Variants in ACER3 observed in about 807,000 individuals in gnomAD.
ACER3 encodes alkCDase 3.
In ACER3, 16 loss-of-function variants were observed where a neutral mutation model predicts 48.9. The ratio of observed to expected loss-of-function variants is 0.33; its 90% CI spans 0.22 to 0.50. ACER3 has a LOEUF of 0.50. Ranked by LOEUF, ACER3 falls within the 20% of genes least tolerant of loss-of-function variation. The pLI, the probability that ACER3 is intolerant of heterozygous loss-of-function variation, is 0.98. For missense variants in ACER3, 227 were observed against 326.0 expected (o/e 0.70, Z 2.34); for synonymous variants, 109 against 107.8 (o/e 1.01, Z -0.07).
At chr11:76,872,302 C>T (rs989090721) in intron 1 of ACER3, among the ~76,000 whole-genome samples, 5 of 152,096 alleles carry the variant, frequency 3.3e-5, no homozygotes, top group Admixed American at 2.0e-4. Flanking sequence ...TCTCGAACTC[C>T]GGACCTCAGG....
At chr11:76,974,330 A>G (rs1049463144) in intron 3 of ACER3, among the ~76,000 whole-genome samples, 6 of 152,354 alleles carry the variant, frequency 3.9e-5, no homozygotes, top group South Asian at 4.1e-4. Context: ...GCTTGATGCC[A>G]TATGGGTCAT....
At chr11:77,011,375 G>A in intron 7 of ACER3, 1 of 985,458 alleles carries the variant, frequency 1.0e-6, no homozygotes, top group Non-Finnish European at 1.2e-6. Flanking sequence ...GATTGGCCAT[G>A]GTAAGTAAGT....
At position 77,026,604 on chromosome 11, in the gene ACER3, A is replaced by T. The variant is rs143021946; in HGVS notation, c.*6277A>T. 22 of 152,334 alleles carry T rather than the reference A, an allele frequency of 1.4e-4. No individual in the cohort carries two copies. In the East Asian group the frequency reaches 4.2e-3, roughly 29 times the overall value. 9.4% of individuals were successfully genotyped at this position (152,334 alleles called of 1,614,324 possible). A position where few individuals can be genotyped will look rare whatever the true frequency, so the allele number is the denominator to read the frequency against. Reference sequence around the variant, plus strand: ...ATACATTGTACTGAATCTTACTAGCAACTAACTATTTTCAGGTAATCTCAG... The same window carrying T: ...ATACATTGTACTGAATCTTACTAGCTACTAACTATTTTCAGGTAATCTCAG... On this transcript the variant is annotated 3_prime_UTR_variant, in exon 11 of 11. Coordinates refer to ENST00000532485, the MANE Select transcript of ACER3 (RefSeq NM_018367.7).
At chr11:76,864,455 AAAGT>A (rs749507147) in intron 1 of ACER3, among the ~76,000 whole-genome samples, 8 of 152,212 alleles carry the variant, frequency 5.3e-5, no homozygotes, top group Non-Finnish European at 7.3e-5. Flanking sequence ...GGAAATGAAA[AAAGT>A]AAGCATATTT....
chr11:76,921,280 A>G (rs893775212), intron 1 of ACER3, among the ~76,000 whole-genome samples: 2 of 152,162 alleles, frequency 1.3e-5, no homozygotes, highest in African/African-American at 4.8e-5. Context: ...ATTTAGATCT[A>G]TAGTACCTCT....
chr11:76,914,867 T>C (rs1226698789), intron 1 of ACER3, among the ~76,000 whole-genome samples: 1 of 152,016 alleles, frequency 6.6e-6, no homozygotes, highest in East Asian at 1.9e-4. Flanking sequence ...TATGCAGCCA[T>C]AAAAAAAGGA....
At chr11:76,962,834 C>T (rs1349838801) in intron 3 of ACER3, among the ~76,000 whole-genome samples, 1 of 151,294 alleles carries the variant, frequency 6.6e-6, no homozygotes, top group Non-Finnish European at 1.5e-5. Flanking sequence ...ATGAAAATTC[C>T]TGGAAAAAGG....
chr11:77,019,895 A>T, intron 10 of ACER3, 119 bp downstream of exon 10: 8 of 1,019,488 alleles, frequency 7.8e-6, no homozygotes, highest in Non-Finnish European at 1.1e-5. Context: ...AGGCTTTGGA[A>T]CCAAAGGCTG....
At chr11:76,965,852 A>C (rs549259497) in intron 3 of ACER3, among the ~76,000 whole-genome samples, 2 of 151,462 alleles carry the variant, frequency 1.3e-5, no homozygotes, top group South Asian at 4.1e-4. Flanking sequence ...CACTGCAAAA[A>C]CATGCCAAAT....
intron 6 of ACER3, among the ~76,000 whole-genome samples, chr11:76,996,311 C>G (rs745473021): frequency 2.0e-5 from 3 of 152,190 alleles, no homozygotes; most frequent in Non-Finnish European, 2.9e-5. Flanking sequence ...TCACCTCCCT[C>G]TCTTTCTCCA....
intron 3 of ACER3, among the ~76,000 whole-genome samples, chr11:76,971,699 A>C (rs1392047118): frequency 6.6e-6 from 1 of 152,192 alleles, no homozygotes; most frequent in Admixed American, 6.5e-5. Flanking sequence ...AGGGGCTTGG[A>C]GCTTAGCAAA....
In ACER3 at chr11:77,024,075, A is replaced by G. The variant is rs1410884869; in HGVS notation, c.*3748A>G. On this transcript the variant is annotated 3_prime_UTR_variant, in exon 11 of 11. Coordinates refer to ENST00000532485, the MANE Select transcript of ACER3 (RefSeq NM_018367.7). ...GGCAACAGAGCGAGACTCTGTCTCA[A>G]AAAAAAAAAAAAAAAAAAAAAAAAA... is the stretch of plus-strand genomic sequence containing the variant. The G allele has an allele frequency of 1.6e-5, 1 of 61,114 alleles. No individual in the cohort carries two copies. Among genetic ancestry groups the G allele is most frequent in the Non-Finnish European group, 3.4e-5 (1 of 29,166 alleles). 3.8% of individuals were successfully genotyped at this position (61,114 alleles called of 1,614,324 possible). A position where few individuals can be genotyped will look rare whatever the true frequency, so the allele number is the denominator to read the frequency against.
intron 7 of ACER3, among the ~76,000 whole-genome samples, chr11:77,011,578 C>G (rs80354069): frequency 6.9e-4 from 105 of 152,292 alleles, no homozygotes; most frequent in Non-Finnish European, 1.2e-3. Flanking sequence ...CTTTTAAGCT[C>G]ATCTTCTCTT....
intron 7 of ACER3, among the ~76,000 whole-genome samples, chr11:77,011,634 G>T (rs1949265259): frequency 6.6e-6 from 1 of 151,956 alleles, no homozygotes; most frequent in African/African-American, 2.4e-5. Flanking sequence ...TCCATACATT[G>T]CCAGGTTTGT....
chr11:76,899,594 G>A (rs1462981012), intron 1 of ACER3, among the ~76,000 whole-genome samples: 1 of 152,010 alleles, frequency 6.6e-6, no homozygotes. Flanking sequence ...TTGCTAACAC[G>A]TCCAGACTAT....
Position 76,898,332 on chromosome 11 carries a change from A to G in ACER3, c.104-28225A>G, listed in dbSNP as rs17135274. ...ATTTGTCTACTCGAACATAGTATTT[A>G]CATTTCACTTTTTGGAGTCTGCTAC... is the stretch of plus-strand genomic sequence containing the variant. On this transcript the variant is annotated intron_variant, in intron 1 of 10. Coordinates refer to ENST00000532485, the MANE Select transcript of ACER3 (RefSeq NM_018367.7). Among the ~76,000 whole-genome samples, 458 of 152,336 alleles carry G rather than the reference A, an allele frequency of 3.0e-3. 1 individual carries two copies. Among genetic ancestry groups the G allele is most frequent in the African/African-American group, 0.01 (431 of 41,578 alleles).
intron 1 of ACER3, among the ~76,000 whole-genome samples, chr11:76,912,568 C>T (rs1565173056): frequency 1.1e-5 from 1 of 87,080 alleles, no homozygotes; most frequent in Non-Finnish European, 3.4e-5. Flanking sequence ...AAATTGTGAT[C>T]TCTATAGATT....
chr11:76,970,223 TC>T (rs1948261672), intron 3 of ACER3, among the ~76,000 whole-genome samples: 1 of 152,172 alleles, frequency 6.6e-6, no homozygotes, highest in Admixed American at 6.5e-5. Context: ...TTTTCATGTT[TC>T]TCTGGGGTCC....
chr11:76,965,185 C>T (rs1368937014), intron 3 of ACER3, among the ~76,000 whole-genome samples: 2 of 151,202 alleles, frequency 1.3e-5, no homozygotes, highest in African/African-American at 4.9e-5. Flanking sequence ...GTAGCTGATG[C>T]GATCAACTGG....
Sources: allele counts gnomAD v4.1 joint callset (sites outside exome capture counted in the v4.1 genomes callset), GRCh38; gene constraint gnomAD v4.1.1; transcripts MANE v1.5; gene names NCBI Gene and HGNC (gene_info 2026-07-23, HGNC 2026-07-21).